The following DGKD variants were observed in gnomAD, a reference collection of about 807,000 sequenced individuals.
DGKD encodes the protein DAG kinase delta.
Under a neutral mutation model 154.4 loss-of-function variants are expected in DGKD, and 68 were observed. The ratio of observed to expected loss-of-function variants is 0.44; its 90% confidence interval spans 0.36 to 0.54. DGKD has a LOEUF of 0.54. Among genes scored for constraint, DGKD ranks in the 20% least tolerant of loss-of-function variants. DGKD has a pLI of 0.00. For missense variants in DGKD, 1,343 were observed against 1,593.6 expected, an observed-to-expected ratio of 0.84 and a Z score of 2.68; for synonymous variants, 693 against 638.0, an observed-to-expected ratio of 1.09 and a Z score of -1.30.
intron 10 of DGKD, among the ~76,000 whole-genome samples, chr2:233,444,025 C>T (rs886378355): frequency 3.3e-5 from 5 of 152,090 alleles, no homozygotes; most frequent in African/African-American, 1.2e-4. Context: ...TGGGGCCTCT[C>T]CTCCTTCGCT....
intron 2 of DGKD, chr2:233,388,740 C>CTTTTTTTTTT (rs57415272): frequency 1.4e-5 from 1 of 69,280 alleles, no homozygotes; most frequent in African/African-American, 5.7e-5. Flanking sequence ...TATTGAAGTT[C>CTTTTTTTTTT]TTTTTTTTTT....
rs1347151089 is a variant in DGKD, at chr2:233,390,486, A to G, written c.348+3A>G. On this transcript the variant is annotated splice_donor_region_variant and intron_variant, in intron 3 of 29. Transcript: ENST00000264057. Reference sequence around the variant, plus strand: ...AAAACGTCAACAACAGTTTTACGGTAAGATTCCTCAGTCATGCCTTTCTTG... The same window carrying G: ...AAAACGTCAACAACAGTTTTACGGTGAGATTCCTCAGTCATGCCTTTCTTG... The G allele has an allele frequency of 6.2e-7, 1 of 1,612,552 alleles. No homozygotes were observed. The highest frequency in any genetic ancestry group is 1.7e-5 in the Admixed American group (1 of 60,010).
intron 3 of DGKD, among the ~76,000 whole-genome samples, chr2:233,432,233 T>C (rs1421602528): frequency 6.1e-5 from 6 of 99,162 alleles, no homozygotes; most frequent in Non-Finnish European, 1.1e-4. Flanking sequence ...CTATTAAAAA[T>C]ACAAAAAATT....
chr2:233,454,473 G>GGA (rs767416402), intron 18 of DGKD: 1 of 490,474 alleles, frequency 2.0e-6, no homozygotes, highest in Admixed American at 2.4e-5. Context: ...TGGTGAGGAT[G>GGA]GAGAGTTAGT....
intron 3 of DGKD, chr2:233,429,345 G>A: frequency 1.0e-6 from 1 of 984,152 alleles, no homozygotes; most frequent in Non-Finnish European, 1.2e-6. Context: ...GCTGACAAAA[G>A]TGTTCAAATA....
chr2:233,436,494 G>A, intron 7 of DGKD, 53 bp downstream of exon 7: 2 of 1,576,958 alleles, frequency 1.3e-6, no homozygotes, highest in East Asian at 4.5e-5. Context: ...TCCCTACCGT[G>A]CCCATGCGGG....
chr2:233,377,393 C>T (rs1342407242), intron 1 of DGKD, among the ~76,000 whole-genome samples: 4 of 152,126 alleles, frequency 2.6e-5, no homozygotes, highest in Admixed American at 2.0e-4. Context: ...CCCTTAATAG[C>T]ATGTTCTATG....
At chr2:233,386,109 C>A in intron 1 of DGKD, 1 of 376,010 alleles carries the variant, frequency 2.7e-6, no homozygotes, top group Non-Finnish European at 5.5e-6. Context: ...CAGCATCTGT[C>A]CTTTAAAGAT....
At chr2:233,435,703 C>G (rs991795255) in intron 5 of DGKD, 115 bp from the exon 6 acceptor site, 2 of 825,240 alleles carry the variant, frequency 2.4e-6, no homozygotes, top group Non-Finnish European at 3.7e-6. Flanking sequence ...AATGGGAGTG[C>G]CATTGGTTCC....
At position 233,469,270 on chromosome 2, in the gene DGKD, T is replaced by A. The variant is rs542238967; in HGVS notation, c.3556-101T>A. On this transcript the variant is annotated intron_variant, in intron 29 of 29. Transcript: ENST00000264057. ...TTGTCATTTTGGCTCTCATTTGTGT[T>A]CACAAGCCGAATGGGAAGGGCCGTT... 55 of 1,022,578 alleles carry A rather than the reference T, an allele frequency of 5.4e-5. No homozygotes were observed. The African/African-American group carries it at 8.1e-4, about 15-fold the overall frequency. 63.3% of individuals were successfully genotyped at this position (1,022,578 alleles called of 1,614,324 possible). A position where few individuals can be genotyped will look rare whatever the true frequency, so the allele number is the denominator to read the frequency against.
intron 27 of DGKD, among the ~76,000 whole-genome samples, chr2:233,465,267 C>G (rs1428908010): frequency 6.6e-6 from 1 of 152,172 alleles, no homozygotes; most frequent in Admixed American, 6.5e-5. Context: ...TACAATGATT[C>G]AACAGATGTC....
At chr2:233,359,925 C>G (rs905853179) in intron 1 of DGKD, among the ~76,000 whole-genome samples, 2 of 152,122 alleles carry the variant, frequency 1.3e-5, no homozygotes, top group African/African-American at 4.8e-5. Flanking sequence ...GTGAATTTGA[C>G]CTGATATCAG....
In DGKD at chr2:233,363,591, G is replaced by A. The variant is rs576627728; in HGVS notation, c.156+8917G>A. 3.9e-5 allele frequency among the ~76,000 whole-genome samples: 6 copies of A among 152,330 alleles called. No homozygotes were observed. In the East Asian group the frequency reaches 5.8e-4, roughly 15 times the overall value. On this transcript the variant is annotated intron_variant, in intron 1 of 29. Transcript: ENST00000264057. Reference sequence around the variant, plus strand: ...TTTACAAAGCATAGAGTACTGGTCAGTAGTGTCCTAGGCCATCACATTCAC... The same window carrying A: ...TTTACAAAGCATAGAGTACTGGTCAATAGTGTCCTAGGCCATCACATTCAC...
intron 3 of DGKD, among the ~76,000 whole-genome samples, chr2:233,407,554 C>G (rs1420187882): frequency 3.9e-5 from 6 of 152,108 alleles, no homozygotes; most frequent in Non-Finnish European, 2.9e-5. Context: ...TCACTTGAGG[C>G]TAGGAGTTTA....
intron 1 of DGKD, among the ~76,000 whole-genome samples, chr2:233,376,387 C>T (rs1559481410): frequency 6.6e-6 from 1 of 152,074 alleles, no homozygotes; most frequent in Admixed American, 6.6e-5. Flanking sequence ...ATGTCTATGT[C>T]CTCTCTGGAC....
intron 25 of DGKD, 33 bp from the exon 26 acceptor site, chr2:233,462,610 C>T (rs1484370258): frequency 9.4e-6 from 15 of 1,599,104 alleles, no homozygotes; most frequent in African/African-American, 4.0e-5. Flanking sequence ...TTCGGCCCCC[C>T]GCCCCCATGC....
chr2:233,386,246 C>G (rs905149088), intron 1 of DGKD: 1 of 318,292 alleles, frequency 3.1e-6, no homozygotes, highest in African/African-American at 2.2e-5. Context: ...CCAGGAGAGA[C>G]GTCTTCACAG....
intron 9 of DGKD, among the ~76,000 whole-genome samples, chr2:233,439,428 G>A (rs77585871): frequency 0.099 from 15,150 of 152,312 alleles, 955 homozygotes; most frequent in Middle Eastern, 0.18. Context: ...AGGCGCAGTC[G>A]GAGAGCAGTC....
At chr2:233,381,491 C>T (rs553433741) in intron 1 of DGKD, among the ~76,000 whole-genome samples, 1 of 152,290 alleles carries the variant, frequency 6.6e-6, no homozygotes, top group African/African-American at 2.4e-5. Flanking sequence ...TTACTTAATC[C>T]TCTGGCCCTC....
Sources: gnomAD v4.1 joint callset for allele counts (sites outside exome capture counted in the v4.1 genomes callset) on GRCh38, gnomAD v4.1.1 for gene constraint, MANE v1.5 for transcripts, NCBI Gene and HGNC (gene_info 2026-07-23, HGNC 2026-07-21) for gene names.